CEP350: variants seen among roughly 807,000 people sequenced by gnomAD.
CEP350 encodes centrosome-associated protein 350.
Under a neutral mutation model 331.8 loss-of-function variants are expected in CEP350, and 126 were observed. The ratio of observed to expected loss-of-function variants is 0.38; its 90% confidence interval spans 0.33 to 0.44. The LOEUF is 0.44. Among genes scored for constraint, CEP350 ranks in the 20% least tolerant of loss-of-function variants. The probability of loss-of-function intolerance (pLI) is 1.00; values close to 1 mark genes in which losing one functional copy is unlikely to be tolerated. For synonymous variants in CEP350, 1,200 were observed against 1,259.5 expected, an observed-to-expected ratio of 0.95 and a Z score of 1.00; for missense variants, 3,406 against 3,634.6, an observed-to-expected ratio of 0.94 and a Z score of 1.62.
At chr1:180,110,552 T>C (rs1030391712) in intron 37 of CEP350, among the ~76,000 whole-genome samples, 3 of 152,218 alleles carry the variant, frequency 2.0e-5, no homozygotes, top group Non-Finnish European at 2.9e-5. Context: ...AAGTTAGGTG[T>C]ATTCACTGCA....
At chr1:179,973,149 G>A (rs567222983) in intron 1 of CEP350, among the ~76,000 whole-genome samples, 80 of 152,332 alleles carry the variant, frequency 5.3e-4, no homozygotes, top group African/African-American at 1.8e-3. Context: ...TTACAGGCGT[G>A]AGCCACCTCT....
At chr1:179,963,468 G>A (rs930295999) in intron 1 of CEP350, among the ~76,000 whole-genome samples, 8 of 151,950 alleles carry the variant, frequency 5.3e-5, no homozygotes, top group African/African-American at 1.9e-4. Flanking sequence ...TCTTTAATAC[G>A]TCTTGAGTTA....
At chr1:180,066,009 A>G (rs1464196865) in intron 27 of CEP350, among the ~76,000 whole-genome samples, 1 of 152,100 alleles carries the variant, frequency 6.6e-6, no homozygotes, top group Non-Finnish European at 1.5e-5. Context: ...GTGAGTAGGT[A>G]TGAGTTCCTT....
intron 36 of CEP350, among the ~76,000 whole-genome samples, chr1:180,098,057 G>A (rs60972670): frequency 0.12 from 18,201 of 152,084 alleles, 1,177 homozygotes; most frequent in South Asian, 0.16. Context: ...TGCAACCTCC[G>A]CCTCCTGGAT....
intron 5 of CEP350, among the ~76,000 whole-genome samples, chr1:179,996,002 G>T (rs2477106): frequency 6.6e-6 from 1 of 152,064 alleles, no homozygotes; most frequent in Non-Finnish European, 1.5e-5. Context: ...CAAATAACAC[G>T]TTTTATTGAC....
At chr1:180,102,898 G>A (rs913402714) in intron 37 of CEP350, among the ~76,000 whole-genome samples, 6 of 152,190 alleles carry the variant, frequency 3.9e-5, no homozygotes, top group Admixed American at 6.5e-5. Context: ...CCCAGGGTTC[G>A]TCGTCTCGAG....
chr1:179,971,270 C>G (rs1315732304), intron 1 of CEP350, among the ~76,000 whole-genome samples: 3 of 152,224 alleles, frequency 2.0e-5, no homozygotes, highest in African/African-American at 7.2e-5. Flanking sequence ...TGCAGGTGAT[C>G]TGCCTGCCTC....
At chr1:179,964,268 T>C (rs1650832063) in intron 1 of CEP350, among the ~76,000 whole-genome samples, 2 of 152,268 alleles carry the variant, frequency 1.3e-5, no homozygotes, top group South Asian at 4.1e-4. Context: ...TCTTTTCCTA[T>C]ATGGATGCCT....
chr1:179,984,074 C>T (rs996690439), intron 1 of CEP350, among the ~76,000 whole-genome samples: 7 of 152,188 alleles, frequency 4.6e-5, no homozygotes, highest in African/African-American at 1.7e-4. Flanking sequence ...GCATGTTCTT[C>T]ACATTCTTTT....
At chr1:180,057,463 C>A (rs1430317311) in intron 25 of CEP350, among the ~76,000 whole-genome samples, 1 of 151,142 alleles carries the variant, frequency 6.6e-6, no homozygotes, top group Non-Finnish European at 1.5e-5. Context: ...TGTTTCTTCC[C>A]TGTCTGCTTG....
At chr1:179,972,062 T>C (rs1303045374) in intron 1 of CEP350, among the ~76,000 whole-genome samples, 1 of 152,206 alleles carries the variant, frequency 6.6e-6, no homozygotes, top group Non-Finnish European at 1.5e-5. Flanking sequence ...GCTGGATGAC[T>C]GAGATAAGGA....
intron 13 of CEP350, 71 bp downstream of exon 13, chr1:180,022,919 G>A (rs1187877491): frequency 4.2e-6 from 6 of 1,412,092 alleles, no homozygotes; most frequent in Non-Finnish European, 5.7e-6. Flanking sequence ...ACTCTGGTCT[G>A]AATATTAGCC....
chr1:180,084,000 A>G lies in CEP350; in HGVS notation c.6125-18A>G. ...CTTAAGTCAAAATTATAAATAAAAG[A>G]TTTTGTATCTCTTTCAGAAACTACA... On this transcript the variant is annotated intron_variant, in intron 30 of 37. Coordinates refer to ENST00000367607, the MANE Select transcript of CEP350 (RefSeq NM_014810.5). 1 of 1,376,118 alleles carries G rather than the reference A, an allele frequency of 7.3e-7. No individual in the cohort carries two copies. The highest frequency in any genetic ancestry group is 9.7e-7 in the Non-Finnish European group (1 of 1,026,132). 85.2% of individuals were successfully genotyped at this position (1,376,118 alleles called of 1,614,324 possible). A position where few individuals can be genotyped will look rare whatever the true frequency, so the allele number is the denominator to read the frequency against.
Position 180,094,142 on chromosome 1 carries a change from C to A in CEP350, c.8037C>A (p.Ile2679=). ...LISDATEKVS[I]AAEDDTLDNT... is the part of the protein sequence containing the mutation. ...CTGATGCCACAGAAAAGGTTTCCATCGCTGCAGAAGATGACACTTTAGACA... is the reference window on the plus strand; with the variant it reads ...CTGATGCCACAGAAAAGGTTTCCATAGCTGCAGAAGATGACACTTTAGACA... The change falls in exon 34 of 38, where the codon ATC becomes ATA. Residue 2679 remains isoleucine, a synonymous_variant. Transcript: ENST00000367607. 1.2e-6 allele frequency: 2 copies of A among 1,613,610 alleles called. No individual in the cohort carries two copies. The highest frequency in any genetic ancestry group is 2.2e-5 in the South Asian group (2 of 90,996).
At chr1:179,998,447 A>G (rs146370631) in intron 6 of CEP350, among the ~76,000 whole-genome samples, 1,552 of 151,554 alleles carry the variant, frequency 0.01, 29 homozygotes, top group African/African-American at 0.033. Flanking sequence ...CTGGGATTAC[A>G]GGCACCCACC....
chr1:180,021,574 C>T (rs1655324696), intron 12 of CEP350, among the ~76,000 whole-genome samples: 1 of 152,012 alleles, frequency 6.6e-6, no homozygotes, highest in African/African-American at 2.4e-5. Flanking sequence ...ACGAGAATCG[C>T]TTGAACCTGG....
intron 3 of CEP350, among the ~76,000 whole-genome samples, chr1:179,989,472 G>C (rs1174518158): frequency 8.8e-6 from 1 of 113,556 alleles, no homozygotes; most frequent in African/African-American, 3.2e-5. Context: ...GACAGAGTGA[G>C]ACCCTGTCTC....
At chr1:180,109,365 G>C (rs371345587) in intron 37 of CEP350, among the ~76,000 whole-genome samples, 1 of 152,102 alleles carries the variant, frequency 6.6e-6, no homozygotes, top group African/African-American at 2.4e-5. Flanking sequence ...TGATCCACCC[G>C]TCTCCGCCTC....
chr1:179,958,183 G>A (rs1225339518), intron 1 of CEP350, among the ~76,000 whole-genome samples: 3 of 150,708 alleles, frequency 2.0e-5, no homozygotes, highest in African/African-American at 7.5e-5. Context: ...AATCCAAAGT[G>A]TTAACTTAAA....
Sources: gnomAD v4.1 joint callset for allele counts (sites outside exome capture counted in the v4.1 genomes callset) on GRCh38, gnomAD v4.1.1 for gene constraint, MANE v1.5 for transcripts, NCBI Gene and HGNC (gene_info 2026-07-23, HGNC 2026-07-21) for gene names.